The following TYW1 variants were observed in gnomAD, a reference collection of about 807,000 sequenced individuals.
TYW1 encodes the protein tRNA-yW synthesizing protein 1 homolog.
In TYW1, 46 loss-of-function variants were observed where a neutral mutation model predicts 96.2. The observed-to-expected ratio is 0.48, with a 90% CI of 0.38 to 0.61. The LOEUF (loss-of-function observed/expected upper bound fraction) is 0.61. TYW1 is among the 20% of genes least tolerant of loss of function. TYW1 has a pLI of 0.00. For synonymous variants in TYW1, 274 were observed against 323.0 expected (o/e 0.85, Z 1.63); for missense variants, 684 against 909.6 (o/e 0.75, Z 3.19).
chr7:67,149,722 ATATCTATCTATCTATC>A (rs59266321), intron 13 of TYW1, among the ~76,000 whole-genome samples: 10 of 140,118 alleles, frequency 7.1e-5, no homozygotes, highest in African/African-American at 1.3e-4. Context: ...AGGAAAAAAA[ATATCTATCTATCTATC>A]TATCTATCTA....
chr7:67,140,132 C>T (rs929421456), intron 13 of TYW1, among the ~76,000 whole-genome samples: 1 of 152,014 alleles, frequency 6.6e-6, no homozygotes. Flanking sequence ...CATCAGCTCT[C>T]GTGAGACTTA....
At chr7:67,167,468 CAAAA>C (rs869281504) in intron 13 of TYW1, among the ~76,000 whole-genome samples, 3 of 78,804 alleles carry the variant, frequency 3.8e-5, no homozygotes, top group Non-Finnish European at 6.9e-5. Context: ...GACTCTGTCT[CAAAA>C]AAAAAAAAAA....
intron 11 of TYW1, among the ~76,000 whole-genome samples, chr7:67,094,094 T>A (rs1796809539): frequency 6.6e-6 from 1 of 152,022 alleles, no homozygotes; most frequent in Non-Finnish European, 1.5e-5. Flanking sequence ...TGAGAACGTG[T>A]GATATTTGAT....
At chr7:67,029,411 G>GTA (rs1388432409) in intron 7 of TYW1, among the ~76,000 whole-genome samples, 6 of 106,920 alleles carry the variant, frequency 5.6e-5, no homozygotes, top group Non-Finnish European at 3.8e-5. Context: ...GTGTGTGTGT[G>GTA]TGTGTATATA....
chr7:67,136,683 GTGTATA>G (rs1162910516), intron 13 of TYW1, among the ~76,000 whole-genome samples: 4 of 104,566 alleles, frequency 3.8e-5, no homozygotes, highest in South Asian at 2.8e-4. Context: ...GTGTGTGTGT[GTGTATA>G]TATATATATG....
chr7:67,186,088 T>C (rs1051455308), intron 14 of TYW1, among the ~76,000 whole-genome samples: 1 of 144,282 alleles, frequency 6.9e-6, no homozygotes, highest in Admixed American at 7.1e-5. Context: ...AGATACAAAC[T>C]GCAGCTGAAA....
chr7:67,067,587 T>C (rs527422944), intron 10 of TYW1, among the ~76,000 whole-genome samples, 184 bp downstream of exon 10: 3 of 152,324 alleles, frequency 2.0e-5, no homozygotes, highest in African/African-American at 7.2e-5. Flanking sequence ...ACAAACACTG[T>C]GAGGAATTGC....
At chr7:67,192,811 G>A (rs1800262802) in intron 14 of TYW1, among the ~76,000 whole-genome samples, 1 of 152,190 alleles carries the variant, frequency 6.6e-6, no homozygotes, top group South Asian at 2.1e-4. Context: ...GAGACACTGA[G>A]TCCAGCTCAA....
chr7:67,022,666 T>C (rs539499018), intron 6 of TYW1, among the ~76,000 whole-genome samples: 2 of 152,230 alleles, frequency 1.3e-5, no homozygotes, highest in African/African-American at 4.8e-5. Flanking sequence ...TGTACTTGTC[T>C]CTTCTTGACA....
chr7:67,074,101 G>A (rs1280674045), intron 10 of TYW1, among the ~76,000 whole-genome samples: 3 of 151,180 alleles, frequency 2.0e-5, no homozygotes, highest in Non-Finnish European at 4.4e-5. Context: ...AATAAAATGT[G>A]ACCAAAAAAC....
intron 11 of TYW1, among the ~76,000 whole-genome samples, chr7:67,086,296 G>T (rs1796546349): frequency 6.6e-6 from 1 of 152,166 alleles, no homozygotes; most frequent in Admixed American, 6.5e-5. Flanking sequence ...TAGACTCATT[G>T]TTGGTTTAGT....
At chr7:67,027,099 C>T (rs1156344586) in intron 7 of TYW1, among the ~76,000 whole-genome samples, 1 of 151,670 alleles carries the variant, frequency 6.6e-6, no homozygotes, top group African/African-American at 2.4e-5. Flanking sequence ...GCTTGGGAGG[C>T]TGAGGTGGAA....
intron 11 of TYW1, among the ~76,000 whole-genome samples, chr7:67,096,408 C>T (rs1368666266): frequency 2.0e-5 from 3 of 151,992 alleles, no homozygotes; most frequent in African/African-American, 4.8e-5. Context: ...AACAAACAAA[C>T]AAAACAAAGA....
rs949632065 is a variant in TYW1, at chr7:67,070,511, G to A, written c.1274+3108G>A. Among the ~76,000 whole-genome samples the A allele has an allele frequency of 4.8e-4, 72 of 151,426 alleles. 2 individuals are homozygous for A. The highest frequency in any genetic ancestry group is 1.5e-5 in the Non-Finnish European group (1 of 67,860). On this transcript the variant is annotated intron_variant, in intron 10 of 15. Coordinates refer to ENST00000359626, the MANE Select transcript of TYW1 (RefSeq NM_018264.4). ...TTCCACTTCACTGAGGTTTTTCTTT[G>A]GCCTGTTCAAATCTTCTGTTGAAAC... is the stretch of plus-strand genomic sequence containing the variant.
intron 13 of TYW1, among the ~76,000 whole-genome samples, chr7:67,121,124 TGAATGTCTGATCTTATAA>T (rs6150142): frequency 0.28 from 42,085 of 152,174 alleles, 6,668 homozygotes; most frequent in African/African-American, 0.44. Flanking sequence ...TATTTCCTTC[TGAATGTCTGATCTTATAA>T]GACATAGTAG....
chr7:67,024,346 T>C (rs1188682045), intron 6 of TYW1, among the ~76,000 whole-genome samples: 7 of 152,096 alleles, frequency 4.6e-5, no homozygotes, highest in Non-Finnish European at 8.8e-5. Context: ...ATACATTTTT[T>C]TGTAGCAATG....
intron 10 of TYW1, among the ~76,000 whole-genome samples, chr7:67,078,675 A>G (rs1796285046): frequency 1.3e-5 from 2 of 151,744 alleles, no homozygotes; most frequent in African/African-American, 2.4e-5. Flanking sequence ...TTCCTCAGTG[A>G]TATGAAATTT....
intron 15 of TYW1, among the ~76,000 whole-genome samples, chr7:67,211,463 A>G (rs536479383): frequency 2.6e-5 from 4 of 152,288 alleles, no homozygotes; most frequent in South Asian, 4.1e-4. Flanking sequence ...TGCCTCAGCC[A>G]TGGTTTATTG....
chr7:67,134,779 G>GTT (rs56261312), intron 13 of TYW1, among the ~76,000 whole-genome samples: 8 of 140,186 alleles, frequency 5.7e-5, no homozygotes, highest in East Asian at 2.1e-4. Context: ...ATGCCCATGT[G>GTT]TTTTTTTTTT....
Sources: gnomAD v4.1 joint callset for allele counts (sites outside exome capture counted in the v4.1 genomes callset) on GRCh38, gnomAD v4.1.1 for gene constraint, MANE v1.5 for transcripts, NCBI Gene and HGNC (gene_info 2026-07-23, HGNC 2026-07-21) for gene names.